CSMD1: variants seen among roughly 807,000 people sequenced by gnomAD.
CSMD1 encodes the protein CUB and sushi domain-containing protein 1.
CSMD1 carries 213 observed loss-of-function variants against 417.5 expected under a neutral mutation model. That is an observed-to-expected ratio of 0.51 (90% CI 0.46 to 0.57). CSMD1 has a LOEUF of 0.57. Among genes scored for constraint, CSMD1 ranks in the 20% least tolerant of loss-of-function variants. CSMD1 has a pLI of 0.00. For synonymous variants in CSMD1, 2,862 were observed against 1,736.8 expected, an observed-to-expected ratio of 1.65 and a Z score of -16.11; for missense variants, 6,923 against 4,529.7, an observed-to-expected ratio of 1.53 and a Z score of -15.17.
chr8:3,106,981 A>G (rs10103675), intron 45 of CSMD1: 170,331 of 179,708 alleles, frequency 0.95, 80,873 homozygotes, highest in Non-Finnish European at 0.97. Context: ...CTGTAAAATC[A>G]AATGGCTTTA....
chr8:3,487,209 A>T (rs199655346), intron 11 of CSMD1, among the ~76,000 whole-genome samples: 1 of 64,656 alleles, frequency 1.5e-5, no homozygotes, highest in Admixed American at 1.7e-4. Flanking sequence ...TTTTTTATTT[A>T]TTTAGTTTTT....
intron 3 of CSMD1, among the ~76,000 whole-genome samples, chr8:4,202,508 C>G (rs918168516): frequency 6.6e-6 from 1 of 152,170 alleles, no homozygotes; most frequent in South Asian, 2.1e-4. Context: ...CAAATTTGCA[C>G]TTTTATACTT....
At chr8:4,918,959 C>A (rs574902291) in intron 1 of CSMD1, among the ~76,000 whole-genome samples, 1 of 151,896 alleles carries the variant, frequency 6.6e-6, no homozygotes, top group Non-Finnish European at 1.5e-5. Context: ...ATATTTTTTT[C>A]CTTTGCTATT....
At chr8:3,919,987 A>T (rs1042944993) in intron 5 of CSMD1, among the ~76,000 whole-genome samples, 1 of 150,406 alleles carries the variant, frequency 6.6e-6, no homozygotes, top group African/African-American at 2.4e-5. Context: ...CTGTGAATAT[A>T]CCAAATTTTT....
At chr8:3,602,220 A>G (rs976573030) in intron 8 of CSMD1, among the ~76,000 whole-genome samples, 1 of 152,198 alleles carries the variant, frequency 6.6e-6, no homozygotes, top group South Asian at 2.1e-4. Context: ...TTCCTGACCA[A>G]TTAAACCAGA....
intron 3 of CSMD1, among the ~76,000 whole-genome samples, chr8:4,207,150 A>C (rs1800026704): frequency 6.6e-6 from 1 of 152,178 alleles, no homozygotes; most frequent in Admixed American, 6.5e-5. Flanking sequence ...AAAATAGGAT[A>C]ATTTATAGGT....
At chr8:4,576,962 G>C (rs1034600362) in intron 2 of CSMD1, among the ~76,000 whole-genome samples, 1 of 152,162 alleles carries the variant, frequency 6.6e-6, no homozygotes, top group Non-Finnish European at 1.5e-5. Flanking sequence ...TCTCAGCTAA[G>C]TTTTCTAATT....
chr8:3,298,010 C>T (rs960586351), intron 25 of CSMD1, among the ~76,000 whole-genome samples: 1 of 152,132 alleles, frequency 6.6e-6, no homozygotes, highest in South Asian at 2.1e-4. Flanking sequence ...TTACCTTGAT[C>T]AGTCGTCAGG....
intron 4 of CSMD1, among the ~76,000 whole-genome samples, chr8:4,002,217 GA>G (rs1563305385): frequency 1.0e-3 from 143 of 142,810 alleles, no homozygotes; most frequent in Admixed American, 2.2e-3. Flanking sequence ...GTGTGTGTGT[GA>G]GTGTGTGTGC....
At chr8:3,620,943 G>C (rs552054123) in intron 7 of CSMD1, among the ~76,000 whole-genome samples, 99 of 152,246 alleles carry the variant, frequency 6.5e-4, no homozygotes, top group African/African-American at 2.2e-3. Context: ...ACTGTATTTG[G>C]AGATAGAGAC....
intron 12 of CSMD1, among the ~76,000 whole-genome samples, chr8:3,465,943 G>T (rs879822794): frequency 1.3e-5 from 2 of 152,120 alleles, no homozygotes; most frequent in Non-Finnish European, 2.9e-5. Flanking sequence ...GAAGTTAACT[G>T]GCTCAGCTAG....
At chr8:3,410,995 G>C (rs534938075) in intron 12 of CSMD1, among the ~76,000 whole-genome samples, 67 of 152,310 alleles carry the variant, frequency 4.4e-4, no homozygotes, top group African/African-American at 1.5e-3. Context: ...AAGGAGATGT[G>C]ATCCCAGTGT....
chr8:4,050,326 A>T (rs1165205637), intron 3 of CSMD1, among the ~76,000 whole-genome samples: 1 of 152,202 alleles, frequency 6.6e-6, no homozygotes, highest in Non-Finnish European at 1.5e-5. Context: ...AAAGGAGGCT[A>T]GTTATACACA....
intron 2 of CSMD1, among the ~76,000 whole-genome samples, chr8:4,423,068 T>A (rs1313422855): frequency 6.6e-6 from 1 of 152,014 alleles, no homozygotes; most frequent in African/African-American, 2.4e-5. Context: ...AAAAAAAATT[T>A]AAAAAAGCCT....
intron 3 of CSMD1, among the ~76,000 whole-genome samples, chr8:4,294,250 G>C (rs1409739276): frequency 3.3e-5 from 5 of 152,150 alleles, no homozygotes; most frequent in Admixed American, 2.0e-4. Context: ...ATAGCATATA[G>C]ATCGTGTGAC....
At chr8:3,246,919 G>GA (rs1585783146) in intron 26 of CSMD1, among the ~76,000 whole-genome samples, 1 of 151,942 alleles carries the variant, frequency 6.6e-6, no homozygotes, top group Non-Finnish European at 1.5e-5. Context: ...TTTTGCTGTA[G>GA]AAAAAAGTGT....
intron 10 of CSMD1, among the ~76,000 whole-genome samples, chr8:3,514,848 T>C (rs562026530): frequency 6.6e-5 from 10 of 152,308 alleles, no homozygotes; most frequent in African/African-American, 2.2e-4. Context: ...TTGCTGATAA[T>C]ATCTAATGAC....
Position 3,136,822 on chromosome 8 carries a change from C to T in CSMD1, c.6241+5643G>A, listed in dbSNP as rs1563076180. On this transcript the variant is annotated intron_variant, in intron 41 of 69. Transcript: ENST00000635120. ...CACAATCCCTTAAAGAAGCCTTCTA[C>T]AAAATCCAACATTACCAAGACTGGA... Among the ~76,000 whole-genome samples, 3 of 152,298 alleles carry T rather than the reference C, an allele frequency of 2.0e-5. 1 individual carries two copies. The East Asian group carries it at 5.8e-4, about 29-fold the overall frequency.
chr8:3,577,548 C>T (rs912192209), intron 9 of CSMD1, among the ~76,000 whole-genome samples: 2 of 152,118 alleles, frequency 1.3e-5, no homozygotes, highest in Non-Finnish European at 2.9e-5. Context: ...AGATTTGTGT[C>T]TGATTTGTTC....
Sources: allele counts gnomAD v4.1 joint callset (sites outside exome capture counted in the v4.1 genomes callset), GRCh38; gene constraint gnomAD v4.1.1; transcripts MANE v1.5; gene names NCBI Gene and HGNC (gene_info 2026-07-23, HGNC 2026-07-21).